Variants in TUBA1C observed in about 807,000 individuals in gnomAD.
The protein encoded by TUBA1C is tubulin alpha 1c.
A neutral mutation model predicts 34.9 loss-of-function variants in TUBA1C; 16 were observed. The observed-to-expected ratio is 0.46, with a 90% CI of 0.31 to 0.70. The LOEUF is 0.70. TUBA1C is among the 30% of genes least tolerant of loss of function. TUBA1C has a pLI of 0.05. For synonymous variants in TUBA1C, 177 were observed against 215.9 expected (o/e 0.82, Z 1.58); for missense variants, 329 against 587.3 (o/e 0.56, Z 4.55).
At chr12:49,257,164 A>G (rs1477396130) in intron 1 of TUBA1C, among the ~76,000 whole-genome samples, 17 of 151,678 alleles carry the variant, frequency 1.1e-4, no homozygotes, top group Non-Finnish European at 1.9e-4. Context: ...AAAAAAAAAA[A>G]AAGAAGACAG....
chr12:49,244,227 C>A (rs1260761458), intron 1 of TUBA1C, among the ~76,000 whole-genome samples: 1 of 151,986 alleles, frequency 6.6e-6, no homozygotes, highest in Non-Finnish European at 1.5e-5. Context: ...TTCAGCAAGG[C>A]CCTAAATGGG....
chr12:49,244,320 CT>C (rs1942647482), intron 1 of TUBA1C, among the ~76,000 whole-genome samples: 1 of 152,150 alleles, frequency 6.6e-6, no homozygotes, highest in Non-Finnish European at 1.5e-5. Flanking sequence ...CCTTCTCCAT[CT>C]TTTACCACAA....
At chr12:49,266,353 C>T (rs1219882777) in intron 1 of TUBA1C, among the ~76,000 whole-genome samples, 19 of 151,868 alleles carry the variant, frequency 1.3e-4, no homozygotes, top group African/African-American at 4.1e-4. Context: ...TGGCGTGAAC[C>T]CGGGAGGCGG....
At chr12:49,253,183 G>A (rs1942748494) in intron 1 of TUBA1C, among the ~76,000 whole-genome samples, 1 of 152,046 alleles carries the variant, frequency 6.6e-6, no homozygotes, top group Non-Finnish European at 1.5e-5. Context: ...ACCCGCTGGA[G>A]GTTAGTAGTC....
chr12:49,234,550 C>T (rs1205198064), intron 1 of TUBA1C, among the ~76,000 whole-genome samples: 1 of 152,212 alleles, frequency 6.6e-6, no homozygotes, highest in African/African-American at 2.4e-5. Context: ...CGGGCTCCCA[C>T]CCGCGTGGCG....
At chr12:49,231,593 C>T (rs1238393000) in intron 1 of TUBA1C, among the ~76,000 whole-genome samples, 1 of 152,186 alleles carries the variant, frequency 6.6e-6, no homozygotes, top group Non-Finnish European at 1.5e-5. Context: ...ATTTAATCTC[C>T]TTAACACTGG....
Position 49,273,161 on chromosome 12 carries a change from T to C in TUBA1C, c.1284T>C (p.Leu428=), listed in dbSNP as rs546709255. The C allele has an allele frequency of 8.9e-5, 144 of 1,614,082 alleles. 2 individuals carry two copies. The South Asian group carries it at 1.5e-3, about 17-fold the overall frequency. ...AGGCCCGTGAGGACATGGCTGCCCT[T>C]GAGAAGGATTATGAGGAGGTTGGAG... is the stretch of plus-strand genomic sequence containing the variant. ...FSEAREDMAA[L]EKDYEEVGAD... The change falls in exon 4 of 4, where the codon CTT becomes CTC. Residue 428 remains leucine, a synonymous_variant. Coordinates refer to ENST00000301072, the MANE Select transcript of TUBA1C (RefSeq NM_032704.5).
chr12:49,261,781 T>A (rs1406841758), upstream of TUBA1C, among the ~76,000 whole-genome samples: 1 of 152,184 alleles, frequency 6.6e-6, no homozygotes, highest in Admixed American at 6.5e-5. Flanking sequence ...TCTTTACTAA[T>A]GTTTTGTGAT....
upstream of TUBA1C, chr12:49,265,004 G>A (rs375678433): frequency 2.2e-6 from 2 of 901,950 alleles, no homozygotes; most frequent in Non-Finnish European, 1.5e-6. Flanking sequence ...GCGGCACGGG[G>A]CGGGGTCTGG....
chr12:49,263,435 G>A (rs1218532267), upstream of TUBA1C, among the ~76,000 whole-genome samples: 2 of 152,036 alleles, frequency 1.3e-5, no homozygotes, highest in Non-Finnish European at 1.5e-5. Context: ...CGGATACTGT[G>A]CTAAATATAT....
chr12:49,241,816 A>AT lies in TUBA1C; in HGVS notation c.213+13656dup, dbSNP rs982721979. ...AGGCGCACGCCGACACGCCCGGCTA[A>AT]TTTTTTGTATTTTAGTAGAGATTGG... On this transcript the variant is annotated intron_variant, in intron 1 of 3. Transcript: ENST00000541364. 1.6e-3 allele frequency among the ~76,000 whole-genome samples: 243 copies of AT among 151,354 alleles called. 2 individuals carry two copies. Among genetic ancestry groups the AT allele is most frequent in the African/African-American group, 5.7e-3 (235 of 41,216 alleles).
chr12:49,263,031 T>TG (rs1160771990), upstream of TUBA1C, among the ~76,000 whole-genome samples: 2 of 149,744 alleles, frequency 1.3e-5, no homozygotes, highest in East Asian at 3.9e-4. Context: ...CTCTTTTTTT[T>TG]TTTTTTTTTT....
chr12:49,238,676 A>C (rs903905521), intron 1 of TUBA1C, among the ~76,000 whole-genome samples: 1 of 152,122 alleles, frequency 6.6e-6, no homozygotes, highest in African/African-American at 2.4e-5. Flanking sequence ...GCTTATTTTT[A>C]TATTTAAAAA....
intron 1 of TUBA1C, among the ~76,000 whole-genome samples, chr12:49,248,437 C>T (rs934814645): frequency 6.4e-5 from 9 of 140,538 alleles, no homozygotes; most frequent in African/African-American, 1.6e-4. Flanking sequence ...GGCGCGGTGG[C>T]GGCGCCTATA....
At chr12:49,258,157 G>C (rs1942804269) in intron 1 of TUBA1C, among the ~76,000 whole-genome samples, 1 of 152,094 alleles carries the variant, frequency 6.6e-6, no homozygotes, top group African/African-American at 2.4e-5. Context: ...ACAGCACCTG[G>C]CCTTACAAAT....
intron 3 of TUBA1C, 50 bp downstream of exon 3, chr12:49,270,026 C>T (rs1020559333): frequency 6.2e-7 from 1 of 1,614,148 alleles, no homozygotes; most frequent in Non-Finnish European, 8.5e-7. Context: ...TTTTGCAGTT[C>T]TGAGACCAAA....
chr12:49,241,423 T>C (rs1592274779), intron 1 of TUBA1C, among the ~76,000 whole-genome samples: 1 of 151,892 alleles, frequency 6.6e-6, no homozygotes, highest in Non-Finnish European at 1.5e-5. Context: ...CATACAAAGG[T>C]ATAGACCTGG....
chr12:49,262,069 C>T (rs546030953), upstream of TUBA1C, among the ~76,000 whole-genome samples: 73 of 152,116 alleles, frequency 4.8e-4, no homozygotes, highest in Admixed American at 4.2e-3. Flanking sequence ...GTCCAATCTC[C>T]TCATATTGCA....
At chr12:49,250,681 G>A (rs1565643175) in intron 1 of TUBA1C, among the ~76,000 whole-genome samples, 1 of 152,082 alleles carries the variant, frequency 6.6e-6, no homozygotes, top group Admixed American at 6.6e-5. Context: ...GGGAGGCTGA[G>A]GTGGGCAGAT....
Sources: gnomAD v4.1 joint callset for allele counts (sites outside exome capture counted in the v4.1 genomes callset) on GRCh38, gnomAD v4.1.1 for gene constraint, MANE v1.5 for transcripts, NCBI Gene and HGNC (gene_info 2026-07-23, HGNC 2026-07-21) for gene names.